The following BSN variants were observed in gnomAD, a reference collection of about 807,000 sequenced individuals.
The protein encoded by BSN is bassoon presynaptic cytomatrix protein, also known as protein bassoon.
A neutral mutation model predicts 264.8 loss-of-function variants in BSN; 57 were observed. That is an observed-to-expected ratio of 0.22 (90% CI 0.17 to 0.27). The LOEUF (loss-of-function observed/expected upper bound fraction) is 0.27. BSN is among the 10% of genes least tolerant of loss of function. The pLI is 1.00. For synonymous variants in BSN, 2,059 were observed against 2,137.3 expected, an observed-to-expected ratio of 0.96 and a Z score of 1.01; for missense variants, 4,615 against 5,232.5, an observed-to-expected ratio of 0.88 and a Z score of 3.64.
intron 1 of BSN, among the ~76,000 whole-genome samples, chr3:49,580,714 C>T (rs562980850): frequency 6.6e-6 from 1 of 152,288 alleles, no homozygotes; most frequent in Middle Eastern, 3.4e-3. Context: ...CTGCCTCTGC[C>T]TCCCAAAGTG....
intron 1 of BSN, among the ~76,000 whole-genome samples, chr3:49,605,310 ATATT>A (rs2052104514): frequency 1.0e-5 from 1 of 97,312 alleles, no homozygotes; most frequent in Non-Finnish European, 1.9e-5. Context: ...ATTATATATT[ATATT>A]ATATATATAT....
In BSN at chr3:49,653,938, G is replaced by A; in HGVS notation, c.4382G>A (p.Gly1461Asp). 2 of 1,614,096 alleles carry A rather than the reference G, an allele frequency of 1.2e-6. No homozygotes were observed. Among genetic ancestry groups the A allele is most frequent in the Non-Finnish European group, 1.7e-6 (2 of 1,179,998 alleles). ...CCCTTGAGTGCGAGTGACGGTGAGG[G>A]TGGCACTCCTCAGCCTTCCCGGGCA... ...EKPLSASDGE[G>D]GTPQPSRAYS... Residue 1461 changes from glycine to aspartate, a missense_variant, in exon 5 of 12, where the codon GGT becomes GAT. By Grantham distance (94) the Gly-to-Asp change is moderately conservative. This residue lies in a region of BSN where 3,415 missense variants were observed against 3,866.4 expected (regional missense o/e 0.88). Transcript: ENST00000296452. This position sits in a 1 kb window ranked among gnomAD's most constrained non-coding sequence, Gnocchi z 6.3.
At chr3:49,629,370 G>C (rs1323025830) in intron 2 of BSN, among the ~76,000 whole-genome samples, 2 of 152,252 alleles carry the variant, frequency 1.3e-5, no homozygotes, top group African/African-American at 2.4e-5. Flanking sequence ...TATTCTGACA[G>C]TTGGGGGTGG....
At chr3:49,582,954 T>TTTAC (rs2051906375) in intron 1 of BSN, among the ~76,000 whole-genome samples, 1 of 146,136 alleles carries the variant, frequency 6.8e-6, no homozygotes, top group Non-Finnish European at 1.5e-5. Context: ...GTGTATTACA[T>TTTAC]TTATTTATTT....
chr3:49,620,141 C>G (rs2052293778), intron 1 of BSN, among the ~76,000 whole-genome samples: 1 of 151,964 alleles, frequency 6.6e-6, no homozygotes, highest in African/African-American at 2.4e-5. Flanking sequence ...AGGATGCCAC[C>G]AGAGCAAAAA....
chr3:49,645,060 T>C (rs1048710204), intron 3 of BSN, among the ~76,000 whole-genome samples: 1 of 152,254 alleles, frequency 6.6e-6, no homozygotes, highest in East Asian at 1.9e-4. Context: ...CACACCTCTC[T>C]CAATTTCCTG....
chr3:49,630,650 T>C (rs2052377873), intron 2 of BSN, among the ~76,000 whole-genome samples: 1 of 152,144 alleles, frequency 6.6e-6, no homozygotes, highest in Non-Finnish European at 1.5e-5. Context: ...TAAGTTAAGC[T>C]AAGAATGAAT....
At chr3:49,582,377 A>G (rs749801171) in intron 1 of BSN, among the ~76,000 whole-genome samples, 17 of 152,150 alleles carry the variant, frequency 1.1e-4, no homozygotes, top group Non-Finnish European at 1.9e-4. Context: ...ATTTGCAGTC[A>G]TAACACACTA....
At chr3:49,590,115 T>G (rs1171452726) in intron 1 of BSN, among the ~76,000 whole-genome samples, 2 of 152,058 alleles carry the variant, frequency 1.3e-5, no homozygotes, top group Non-Finnish European at 2.9e-5. Flanking sequence ...GGATTACAGG[T>G]GTGAACCACC....
rs566378354 is a variant in BSN at position 49,606,867 on chromosome 3, G to A, written c.225-18108G>A. Among the ~76,000 whole-genome samples, 4 of 152,276 alleles carry A rather than the reference G, an allele frequency of 2.6e-5. No homozygotes were observed. The South Asian group carries it at 8.3e-4, about 32-fold the overall frequency. On this transcript the variant is annotated intron_variant, in intron 1 of 11. Coordinates refer to ENST00000296452, the MANE Select transcript of BSN (RefSeq NM_003458.4). Reference sequence around the variant, plus strand: ...ACGGTGGCTCACACCTGTAATCCCAGCACTTTGGGAGGCCGAGGCGGGCGG... The same window carrying A: ...ACGGTGGCTCACACCTGTAATCCCAACACTTTGGGAGGCCGAGGCGGGCGG...
intron 1 of BSN, among the ~76,000 whole-genome samples, chr3:49,569,782 T>C (rs2051782438): frequency 6.6e-6 from 1 of 152,192 alleles, no homozygotes; most frequent in Non-Finnish European, 1.5e-5. Flanking sequence ...GAAAAGTCTC[T>C]CACTATAGGA....
intron 1 of BSN, among the ~76,000 whole-genome samples, chr3:49,613,337 A>G (rs965030818): frequency 6.7e-6 from 1 of 150,302 alleles, no homozygotes; most frequent in Admixed American, 6.6e-5. Flanking sequence ...AGAGAGAGAG[A>G]GAGAGAGAGA....
intron 1 of BSN, among the ~76,000 whole-genome samples, chr3:49,612,556 C>G (rs9827708): frequency 0.29 from 43,584 of 152,036 alleles, 6,751 homozygotes; most frequent in Middle Eastern, 0.31. Flanking sequence ...GTTAGCAAAG[C>G]CAACATATGC....
At chr3:49,632,238 G>A (rs1400373658) in intron 2 of BSN, among the ~76,000 whole-genome samples, 2 of 152,122 alleles carry the variant, frequency 1.3e-5, no homozygotes, top group African/African-American at 4.8e-5. Context: ...AGACAACATA[G>A]GGGATAAGCT....
intron 1 of BSN, among the ~76,000 whole-genome samples, chr3:49,599,286 T>C (rs1237295932): frequency 6.6e-6 from 1 of 152,194 alleles, no homozygotes; most frequent in Non-Finnish European, 1.5e-5. Flanking sequence ...CTAGTGCATG[T>C]CCACAGCCTT....
chr3:49,621,226 A>G (rs1014471128), intron 1 of BSN, among the ~76,000 whole-genome samples: 1 of 152,136 alleles, frequency 6.6e-6, no homozygotes, highest in African/African-American at 2.4e-5. Flanking sequence ...TGAAGAGTTC[A>G]GAGCAGAGTT....
intron 1 of BSN, among the ~76,000 whole-genome samples, chr3:49,613,666 C>CTT (rs71627401): frequency 1.1e-3 from 158 of 143,094 alleles, no homozygotes; most frequent in South Asian, 4.5e-3. Context: ...GGCTAATTTT[C>CTT]TTTTTTTTTT....
In BSN at chr3:49,663,319, A is replaced by G. The variant is rs754328774; in HGVS notation, c.11161A>G (p.Ser3721Gly). The G allele has an allele frequency of 6.2e-7, 1 of 1,613,892 alleles. No homozygotes were observed. Among genetic ancestry groups the G allele is most frequent in the African/African-American group, 1.3e-5 (1 of 74,952 alleles). The change falls in exon 7 of 12, where the codon AGC becomes GGC. Residue 3721 changes from serine (S) to glycine (G), a missense_variant. Around this residue, in one of 3 missense-constraint regions of BSN, gnomAD observed 3,415 missense variants for 3,866.4 expected, o/e 0.88. Coordinates refer to ENST00000296452, the MANE Select transcript of BSN (RefSeq NM_003458.4). ...ATCCGCATACCATCATGCCTCTGACAGCAAGAAGGGCTCCCGGCAAGCCCA... is the reference window on the plus strand; with the variant it reads ...ATCCGCATACCATCATGCCTCTGACGGCAAGAAGGGCTCCCGGCAAGCCCA... Reference protein sequence around the residue: ...ASSAYHHASDSKKGSRQAHSG... With the variant: ...ASSAYHHASDGKKGSRQAHSG...
At chr3:49,643,191 G>T in intron 3 of BSN, 39 bp downstream of exon 3, 1 of 1,567,126 alleles carries the variant, frequency 6.4e-7, no homozygotes, top group South Asian at 1.2e-5. Flanking sequence ...GAACCTTGAT[G>T]AGAGGCCGGG....
Sources: gnomAD v4.1 joint callset for allele counts (sites outside exome capture counted in the v4.1 genomes callset) on GRCh38, gnomAD v4.1.1 for gene constraint, gnomAD v4.1.1 regional missense constraint, Gnocchi (gnomAD v3.1) non-coding constraint, MANE v1.5 for transcripts, NCBI Gene and HGNC (gene_info 2026-07-23, HGNC 2026-07-21) for gene names.